The following TIAM2 variants were observed in gnomAD, a reference collection of about 807,000 sequenced individuals.
TIAM2 encodes TIAM Rac1 associated GEF 2, also known as rho guanine nucleotide exchange factor TIAM2.
TIAM2 carries 80 observed loss-of-function variants against 152.9 expected under a neutral mutation model. The observed-to-expected ratio is 0.52, with a 90% CI of 0.44 to 0.63. TIAM2 has a LOEUF of 0.63. TIAM2 is among the 30% of genes least tolerant of loss of function. The pLI, the probability that TIAM2 is intolerant of heterozygous loss-of-function variation, is 0.00. For synonymous variants in TIAM2, 804 were observed against 838.0 expected (o/e 0.96, Z 0.70); for missense variants, 1,965 against 2,120.1 (o/e 0.93, Z 1.44).
intron 1 of TIAM2, chr6:155,005,400 CA>C (rs1376648066): frequency 6.5e-6 from 1 of 154,338 alleles, no homozygotes; most frequent in Non-Finnish European, 1.4e-5. Context: ...AGTACAGTGG[CA>C]CGATCTCGGC....
rs977761055 is a variant in TIAM2 at position 155,257,575 on chromosome 6, T to G, written c.*454T>G. ...GGCAAAATGTGCAGATACTTCATTT[T>G]TGTAAGATAGATTGTAATAGATGCT... On this transcript the variant is annotated 3_prime_UTR_variant, in exon 27 of 27. Coordinates refer to ENST00000682666, the MANE Select transcript of TIAM2 (RefSeq NM_012454.4). 1 of 365,414 alleles carries G rather than the reference T, an allele frequency of 2.7e-6. No individual in the cohort carries two copies. The highest frequency in any genetic ancestry group is 3.2e-5 in the South Asian group (1 of 31,486). 22.6% of individuals were successfully genotyped at this position (365,414 alleles called of 1,614,324 possible). A position where few individuals can be genotyped will look rare whatever the true frequency, so the allele number is the denominator to read the frequency against.
chr6:155,107,375 AT>A (rs1226983688), intron 2 of TIAM2, among the ~76,000 whole-genome samples: 2 of 152,184 alleles, frequency 1.3e-5, no homozygotes, highest in African/African-American at 4.8e-5. Context: ...TCAAACACCT[AT>A]TGGTGATTTA....
intron 4 of TIAM2, among the ~76,000 whole-genome samples, chr6:155,133,675 C>T (rs1779495060): frequency 6.6e-6 from 1 of 151,924 alleles, no homozygotes. Context: ...TTTCAGATTC[C>T]ACGTATAAGT....
chr6:155,159,015 A>T (rs757600505), intron 7 of TIAM2, among the ~76,000 whole-genome samples: 2 of 152,160 alleles, frequency 1.3e-5, no homozygotes, highest in Non-Finnish European at 2.9e-5. Context: ...ATTGAACTGT[A>T]CTGAATCTCT....
At chr6:155,161,765 A>T (rs1780278799) in intron 7 of TIAM2, among the ~76,000 whole-genome samples, 1 of 150,426 alleles carries the variant, frequency 6.6e-6, no homozygotes, top group African/African-American at 2.5e-5. Context: ...TTTAGTAGAG[A>T]TGGGGTTTCA....
chr6:154,996,157 A>G (rs1057298824), intron 1 of TIAM2, among the ~76,000 whole-genome samples: 3 of 152,254 alleles, frequency 2.0e-5, no homozygotes, highest in African/African-American at 7.2e-5. Flanking sequence ...CAGAAAGAAA[A>G]GAGTCCATTC....
At position 155,065,383 on chromosome 6, in the gene TIAM2, C is replaced by G. The variant is rs377581815; in HGVS notation, c.-208-24906C>G. ...CCTGCCCCATGTGATCATTTTATTT[C>G]TAAAAGAAAAATAACTGTTTTTCTT... On this transcript the variant is annotated intron_variant, in intron 1 of 26. Transcript: ENST00000682666. Among the ~76,000 whole-genome samples the G allele has an allele frequency of 4.6e-5, 7 of 152,190 alleles. No individual in the cohort carries two copies. The South Asian group carries it at 1.5e-3, about 32-fold the overall frequency.
intron 14 of TIAM2, among the ~76,000 whole-genome samples, chr6:155,205,113 G>A (rs540338896): frequency 7.7e-6 from 1 of 130,650 alleles, no homozygotes; most frequent in South Asian, 2.5e-4. Context: ...ATTGCATTGA[G>A]AATTAAGTTT....
intron 2 of TIAM2, among the ~76,000 whole-genome samples, chr6:155,114,038 T>TATATATATA (rs1562320509): frequency 4.4e-5 from 1 of 22,876 alleles, no homozygotes; most frequent in Non-Finnish European, 9.6e-5. Context: ...ATATATATAT[T>TATATATATA]TTTTTTTTTT....
chr6:155,128,281 A>C (rs1270947530), intron 3 of TIAM2, among the ~76,000 whole-genome samples: 1 of 152,042 alleles, frequency 6.6e-6, no homozygotes, highest in Non-Finnish European at 1.5e-5. Context: ...TTCTTTCCCA[A>C]ATGAGAGCTC....
At chr6:155,141,135 C>T (rs1424524325) in intron 5 of TIAM2, among the ~76,000 whole-genome samples, 1 of 152,190 alleles carries the variant, frequency 6.6e-6, no homozygotes, top group Non-Finnish European at 1.5e-5. Flanking sequence ...GCTTGTAAAA[C>T]ACTTCAAGAT....
At chr6:155,032,949 A>G (rs1248296170) in intron 1 of TIAM2, among the ~76,000 whole-genome samples, 1 of 152,240 alleles carries the variant, frequency 6.6e-6, no homozygotes, top group Non-Finnish European at 1.5e-5. Flanking sequence ...TTCTGCCTTT[A>G]GTTGAAAACA....
intron 24 of TIAM2, chr6:155,253,738 G>C (rs1783821621): frequency 2.2e-6 from 1 of 458,420 alleles, no homozygotes; most frequent in African/African-American, 2.0e-5. Context: ...CAGAGAGAGG[G>C]TGAAGGCAGT....
chr6:155,141,693 C>T (rs978279190), intron 5 of TIAM2, among the ~76,000 whole-genome samples: 5 of 152,138 alleles, frequency 3.3e-5, no homozygotes, highest in Non-Finnish European at 5.9e-5. Flanking sequence ...GGTCATTAAA[C>T]ATATCCCTCA....
At chr6:155,045,876 T>C (rs1777163871) in intron 1 of TIAM2, among the ~76,000 whole-genome samples, 1 of 143,182 alleles carries the variant, frequency 7.0e-6, no homozygotes, top group Non-Finnish European at 1.5e-5. Context: ...TTTGTTTGTT[T>C]GTTTTAGCCA....
At chr6:155,067,528 C>T (rs1777725791) in intron 1 of TIAM2, among the ~76,000 whole-genome samples, 1 of 152,146 alleles carries the variant, frequency 6.6e-6, no homozygotes, top group African/African-American at 2.4e-5. Flanking sequence ...TCAGCTCTGG[C>T]TCTGAGTTCT....
At chr6:155,251,061 C>A in intron 22 of TIAM2, 40 bp downstream of exon 22, 1 of 1,576,862 alleles carries the variant, frequency 6.3e-7, no homozygotes, top group Non-Finnish European at 8.7e-7. Flanking sequence ...TGAACAGAGG[C>A]TGGGATTACG....
chr6:155,212,821 C>T (rs1022803895), intron 15 of TIAM2, among the ~76,000 whole-genome samples: 1 of 152,172 alleles, frequency 6.6e-6, no homozygotes, highest in Admixed American at 6.5e-5. Context: ...TGTCAGTGAG[C>T]ACGTGTGGGG....
intron 14 of TIAM2, among the ~76,000 whole-genome samples, chr6:155,199,629 T>C (rs73577423): frequency 0.014 from 2,132 of 152,318 alleles, 41 homozygotes; most frequent in African/African-American, 0.049. Context: ...GTATTTAACG[T>C]GATTGAAGTG....
Sources: gnomAD v4.1 joint callset for allele counts (sites outside exome capture counted in the v4.1 genomes callset) on GRCh38, gnomAD v4.1.1 for gene constraint, MANE v1.5 for transcripts, NCBI Gene and HGNC (gene_info 2026-07-23, HGNC 2026-07-21) for gene names.